The following KDM6A variants were observed in gnomAD, a reference collection of about 807,000 sequenced individuals.
KDM6A encodes the protein lysine demethylase 6A.
A neutral mutation model predicts 117.6 loss-of-function variants in KDM6A; 11 were observed. The observed-to-expected ratio is 0.09, with a 90% CI of 0.06 to 0.15. KDM6A has a LOEUF of 0.15. KDM6A is among the 10% of genes least tolerant of loss of function. The pLI is 1.00. For missense variants in KDM6A, 799 were observed against 1,077.3 expected (o/e 0.74, Z 3.62); for synonymous variants, 384 against 396.1 (o/e 0.97, Z 0.36).
In KDM6A at chrX:44,963,525, C is replaced by G. The variant is rs28859671; in HGVS notation, c.334+2133C>G. On this transcript the variant is annotated intron_variant, in intron 3 of 29. Transcript: ENST00000611820. ...TCTGTCTGTCTGTCTGTCTCTGTCTCTCTCTGTGTCTCTTTTTTAAAGAAA... is the reference window on the plus strand; with the variant it reads ...TCTGTCTGTCTGTCTGTCTCTGTCTGTCTCTGTGTCTCTTTTTTAAAGAAA... Among the ~76,000 whole-genome samples the G allele has an allele frequency of 2.0e-4, 15 of 74,743 alleles. No homozygotes were observed. The East Asian group carries it at 9.4e-3, about 47-fold the overall frequency. 64.9% of individuals were successfully genotyped at this position (74,743 alleles called of 115,157 possible). A position where few individuals can be genotyped will look rare whatever the true frequency, so the allele number is the denominator to read the frequency against.
chrX:44,961,204 G>A, intron 2 of KDM6A, 80 bp from the exon 3 acceptor site: 1 of 653,347 alleles, frequency 1.5e-6, no homozygotes, highest in Non-Finnish European at 2.4e-6. Flanking sequence ...TCGAATGGAG[G>A]CTATATGCAT....
chrX:44,951,733 A>G (rs2038019694), intron 2 of KDM6A, among the ~76,000 whole-genome samples: 1 of 110,585 alleles, frequency 9.0e-6, no homozygotes, highest in Non-Finnish European at 1.9e-5. Context: ...AAAGCTGATT[A>G]TGGAGAGGGT....
At chrX:44,943,911 C>T (rs1432572421) in intron 2 of KDM6A, among the ~76,000 whole-genome samples, 2 of 111,971 alleles carry the variant, frequency 1.8e-5, no homozygotes, top group East Asian at 5.6e-4. Flanking sequence ...TTCTCACCAG[C>T]AATGTATGAG....
intron 4 of KDM6A, among the ~76,000 whole-genome samples, chrX:44,980,648 A>C (rs1390606050): frequency 9.9e-6 from 1 of 100,979 alleles, no homozygotes; most frequent in Non-Finnish European, 2.0e-5. Context: ...TTATTATTGC[A>C]TGCTGATCTA....
chrX:45,051,525 C>T (rs761114495), intron 8 of KDM6A, among the ~76,000 whole-genome samples, 184 bp from the exon 9 acceptor site: 26 of 111,993 alleles, frequency 2.3e-4, no homozygotes, highest in African/African-American at 8.1e-4. Context: ...GTTAGGTACT[C>T]TGGAACAAGG....
chrX:44,992,946 A>ATTGTTGTTTTTCCTTTGTTGTTGTTGT (rs966012463), intron 4 of KDM6A, among the ~76,000 whole-genome samples: 2 of 112,278 alleles, frequency 1.8e-5, no homozygotes, highest in Non-Finnish European at 3.8e-5. Context: ...ATGCCTATGC[A>ATTGTTGTTTTTCCTTTGTTGTTGTTGT]TACTCATCTT....
intron 2 of KDM6A, among the ~76,000 whole-genome samples, chrX:44,888,189 C>T (rs971140813): frequency 9.0e-6 from 1 of 110,864 alleles, no homozygotes; most frequent in Non-Finnish European, 1.9e-5. Flanking sequence ...CCTGTAATCC[C>T]AGCTACTCGG....
chrX:44,985,944 C>A (rs779039316), intron 4 of KDM6A, among the ~76,000 whole-genome samples: 2 of 112,019 alleles, frequency 1.8e-5, no homozygotes, highest in South Asian at 7.4e-4. Context: ...AGGGAGGATT[C>A]CCTCTTTTTC....
intron 2 of KDM6A, among the ~76,000 whole-genome samples, chrX:44,906,136 C>T (rs760743902): frequency 1.7e-3 from 190 of 111,508 alleles, no homozygotes; most frequent in Non-Finnish European, 2.3e-3. Context: ...ACCCCATCCT[C>T]AATACTTCTC....
intron 4 of KDM6A, among the ~76,000 whole-genome samples, chrX:44,979,804 G>T (rs2039797708): frequency 9.2e-6 from 1 of 109,177 alleles, no homozygotes; most frequent in Non-Finnish European, 1.9e-5. Flanking sequence ...TTGTTGAAAA[G>T]ACTACACTTT....
chrX:44,873,749 C>A, intron 1 of KDM6A, 37 bp downstream of exon 1: 1 of 1,158,543 alleles, frequency 8.6e-7, no homozygotes, highest in Admixed American at 2.6e-5. Flanking sequence ...CGGCTCCGGA[C>A]GGGCAGTAGC....
intron 8 of KDM6A, 108 bp from the exon 9 acceptor site, chrX:45,051,601 G>T (rs1178930539): frequency 8.4e-6 from 4 of 476,616 alleles, no homozygotes; most frequent in Admixed American, 8.1e-5. Flanking sequence ...TTTTCTTTTA[G>T]TTTTAAAAAA....
intron 2 of KDM6A, among the ~76,000 whole-genome samples, chrX:44,878,884 G>C (rs1000099154): frequency 9.1e-6 from 1 of 110,432 alleles, no homozygotes; most frequent in Non-Finnish European, 1.9e-5. Context: ...ACCACACCCG[G>C]CTAATTTTTG....
chrX:45,029,072 A>G (rs2042494184), intron 6 of KDM6A, among the ~76,000 whole-genome samples: 1 of 111,834 alleles, frequency 8.9e-6, no homozygotes, highest in Non-Finnish European at 1.9e-5. Context: ...ACAACAACTT[A>G]AGGGCGTTAT....
intron 27 of KDM6A, among the ~76,000 whole-genome samples, chrX:45,098,448 A>G (rs144497672): frequency 4.4e-5 from 5 of 112,800 alleles, no homozygotes; most frequent in African/African-American, 1.6e-4. Context: ...AGAAATCTGT[A>G]TCGCTGGACT....
rs138121372 is a variant in KDM6A at position 44,953,676 on chromosome X, A to C, written c.226-7608A>C. On this transcript the variant is annotated intron_variant, in intron 2 of 29. Transcript: ENST00000611820. ...GTCAGGACTAGGAGAGAGACTTTTT[A>C]GTATATATGCCTTTTTGAAGTGGTG... 2.8e-4 allele frequency among the ~76,000 whole-genome samples: 31 copies of C among 111,943 alleles called. No individual in the cohort carries two copies. The East Asian group carries it at 8.4e-3, about 30-fold the overall frequency.
chrX:44,984,843 T>C (rs150961774), intron 4 of KDM6A, among the ~76,000 whole-genome samples: 24,206 of 110,872 alleles, frequency 0.22, 4,356 homozygotes, highest in African/African-American at 0.61. Context: ...AGCCAGATAG[T>C]GTGATGCCTC....
intron 5 of KDM6A, among the ~76,000 whole-genome samples, chrX:45,013,333 T>C (rs770173273): frequency 2.4e-4 from 27 of 111,829 alleles, no homozygotes; most frequent in African/African-American, 8.8e-4. Flanking sequence ...AGAAATAATT[T>C]AGGTGACACC....
intron 2 of KDM6A, among the ~76,000 whole-genome samples, chrX:44,937,639 T>G (rs937559014): frequency 3.6e-5 from 4 of 111,761 alleles, no homozygotes; most frequent in South Asian, 3.7e-4. Flanking sequence ...CCCTGGTCTC[T>G]CTCCCTCTCC....
Sources: allele counts gnomAD v4.1 joint callset (sites outside exome capture counted in the v4.1 genomes callset), GRCh38; gene constraint gnomAD v4.1.1; transcripts MANE v1.5; gene names NCBI Gene and HGNC (gene_info 2026-07-23, HGNC 2026-07-21).